AARS2: variants seen among roughly 807,000 people sequenced by gnomAD.
The protein encoded by AARS2 is alanine--tRNA ligase, mitochondrial.
Under a neutral mutation model 119.7 loss-of-function variants are expected in AARS2, and 78 were observed. That is an observed-to-expected ratio of 0.65 (90% CI 0.54 to 0.79). AARS2 has a LOEUF of 0.79. Among genes scored for constraint, AARS2 ranks in the 30% least tolerant of loss-of-function variants. The pLI, the probability that AARS2 is intolerant of heterozygous loss-of-function variation, is 0.00. For synonymous variants in AARS2, 502 were observed against 526.3 expected, an observed-to-expected ratio of 0.95 and a Z score of 0.63; for missense variants, 1,157 against 1,291.3, an observed-to-expected ratio of 0.90 and a Z score of 1.59.
chr6:44,303,543 G>C, intron 14 of AARS2, 120 bp from the exon 15 acceptor site: 1 of 1,459,644 alleles, frequency 6.9e-7, no homozygotes, highest in Middle Eastern at 1.9e-4. Flanking sequence ...ATAGTGGCTA[G>C]CACATAATAG....
Position 44,311,107 on chromosome 6 carries a change from C to T in AARS2, c.636G>A (p.Met212Ile), listed in dbSNP as rs1159487395. 2 of 1,614,104 alleles carry T rather than the reference C, an allele frequency of 1.2e-6. No individual in the cohort carries two copies. Among genetic ancestry groups the T allele is most frequent in the East Asian group, 2.2e-5 (1 of 44,864 alleles). ...AGGGCCCACAAGGGCCAGTATCCCC[C>T]ATCTCCCAGAAGTTCTCTTGTGGTC... ...SFGPQENFWE[M>I]GDTGPCGPCT... Residue 212 changes from methionine to isoleucine, a missense_variant, in exon 4 of 22, where the codon ATG becomes ATA. Transcript: ENST00000244571.
intron 4 of AARS2, 121 bp from the exon 5 acceptor site, chr6:44,310,564 C>T (rs1025190462): frequency 7.7e-7 from 1 of 1,301,986 alleles, no homozygotes; most frequent in Non-Finnish European, 1.1e-6. Flanking sequence ...AGGAACCAGA[C>T]AATCAGTATC....
rs1785862888 is a variant in AARS2 at position 44,306,516 on chromosome 6, T to A, written c.1166A>T (p.Glu389Val). 3.7e-6 allele frequency: 6 copies of A among 1,614,078 alleles called. No homozygotes were observed. The East Asian group carries it at 1.3e-4, about 36-fold the overall frequency. Reference sequence around the variant, plus strand: ...TACCTGGGCTGAGTTCCTTTGCAGTTCTGGATAAGCATCTCCCTGGGGGAG... The same window carrying A: ...TACCTGGGCTGAGTTCCTTTGCAGTACTGGATAAGCATCTCCCTGGGGGAG... ...VVETLGDAYPELQRNSAQIAN... is the reference protein window; with the variant it reads ...VVETLGDAYPVLQRNSAQIAN... The change falls in exon 8 of 22, where the codon GAA (glutamate) becomes GTA (valine). Residue 389 changes from glutamate to valine, a missense_variant. By Grantham distance (121) the Glu-to-Val change is moderately radical. Transcript: ENST00000244571.
At chr6:44,310,544 T>C in intron 4 of AARS2, 101 bp from the exon 5 acceptor site, 1 of 1,488,430 alleles carries the variant, frequency 6.7e-7, no homozygotes, top group Non-Finnish European at 9.2e-7. Flanking sequence ...CCAAGGGAGC[T>C]GACAGTGGGA....
At chr6:44,311,575 G>C in intron 2 of AARS2, 40 bp from the exon 3 acceptor site, 1 of 1,610,274 alleles carries the variant, frequency 6.2e-7, no homozygotes, top group Middle Eastern at 1.9e-4. Flanking sequence ...GGGAAGACGG[G>C]TGAGAGGGAG....
chr6:44,299,188 T>C lies in AARS2; in HGVS notation c.*1359A>G, dbSNP rs534416. On this transcript the variant is annotated 3_prime_UTR_variant, in exon 22 of 22. Transcript: ENST00000244571. ...CATGTCACCTCTTGGTGAGGGAATA[T>C]CACCATCCACACTCCTGATCCCCAT... Among the ~76,000 whole-genome samples the C allele has an allele frequency of 0.89, 134,577 of 151,906 alleles. 60,931 individuals carry two copies. Among genetic ancestry groups the C allele is most frequent in the East Asian group, 1 (5,089 of 5,098 alleles).
Position 44,311,375 on chromosome 6 carries a change from AG to A in AARS2, c.581+14del, listed in dbSNP as rs1383959044. 3 of 1,614,018 alleles carry A rather than the reference AG, an allele frequency of 1.9e-6. No homozygotes were observed. On this transcript the variant is annotated intron_variant, in intron 3 of 21. Coordinates refer to ENST00000244571, the MANE Select transcript of AARS2 (RefSeq NM_020745.4). ...CTGACCTCCAGGAATGAACATAAGAAGGGGGCTGACTTACCCTAAGCTCAGC... is the reference window on the plus strand; with the variant it reads ...CTGACCTCCAGGAATGAACATAAGAAGGGGCTGACTTACCCTAAGCTCAGC...
In AARS2 at chr6:44,313,083, G is replaced by A; in HGVS notation, c.241C>T (p.Gln81Ter). 1 of 1,613,358 alleles carries A rather than the reference G, an allele frequency of 6.2e-7. No homozygotes were observed. The highest frequency in any genetic ancestry group is 1.1e-5 in the South Asian group (1 of 91,032). Residue 81 changes from glutamine (Q) to a stop codon, truncating the protein, a stop_gained and splice_region_variant, in exon 1 of 22, where the codon CAG becomes TAG. Coordinates refer to ENST00000244571, the MANE Select transcript of AARS2 (RefSeq NM_020745.4). LOFTEE classifies it high-confidence loss of function. ...SLLFVNAGMN[Q>*]FKPIFLGTVD... ...TATCAGTATGGTTCGGCCCTCACCT[G>A]GTTCATGCCCGCATTGACAAAAAGC...
At chr6:44,311,689 CTCT>C (rs1037930550) in intron 2 of AARS2, among the ~76,000 whole-genome samples, 154 bp from the exon 3 acceptor site, 3 of 152,210 alleles carry the variant, frequency 2.0e-5, no homozygotes, top group African/African-American at 7.2e-5. Context: ...CCATTACTGC[CTCT>C]GAGTGTTTTC....
At chr6:44,308,655 A>G (rs575624972) in intron 5 of AARS2, among the ~76,000 whole-genome samples, 8 of 152,190 alleles carry the variant, frequency 5.3e-5, no homozygotes, top group African/African-American at 1.7e-4. Context: ...GTTAGAGTGC[A>G]GTAGCACGAT....
Position 44,313,183 on chromosome 6 carries a change from C to A in AARS2, c.141G>T (p.Leu47=). The change falls in exon 1 of 22, where the codon CTG becomes CTT. Residue 47 remains leucine (L), a synonymous_variant. Transcript: ENST00000244571. ...AKASAVRAAF[L]NFFRDRHGHR... is the part of the protein sequence containing the mutation. ...GGCCATGGCGGTCCCGAAAGAAGTT[C>A]AGAAAGGCGGCCCTCACGGCCGAGG... is the stretch of plus-strand genomic sequence containing the variant. The A allele has an allele frequency of 6.2e-7, 1 of 1,612,490 alleles. No homozygotes were observed. Among genetic ancestry groups the A allele is most frequent in the Non-Finnish European group, 8.5e-7 (1 of 1,179,618 alleles).
chr6:44,306,684 T>C, intron 7 of AARS2, 152 bp from the exon 8 acceptor site: 1 of 1,058,666 alleles, frequency 9.4e-7, no homozygotes, highest in Non-Finnish European at 1.5e-6. Context: ...GGTTTCCCTG[T>C]AGGGTGGCAG....
chr6:44,310,216 G>A (rs1359601462), intron 5 of AARS2, 83 bp downstream of exon 5: 1 of 1,509,652 alleles, frequency 6.6e-7, no homozygotes, highest in East Asian at 2.5e-5. Flanking sequence ...AACACTCTGA[G>A]TTCTCAACAA....
chr6:44,303,485 T>TGC, intron 14 of AARS2, 62 bp from the exon 15 acceptor site: 1 of 1,611,952 alleles, frequency 6.2e-7, no homozygotes, highest in Non-Finnish European at 8.5e-7. Context: ...CTCTAACTGA[T>TGC]GCATTGAAAC....
At chr6:44,309,174 T>C (rs1242073400) in intron 5 of AARS2, among the ~76,000 whole-genome samples, 1 of 152,194 alleles carries the variant, frequency 6.6e-6, no homozygotes, top group Non-Finnish European at 1.5e-5. Flanking sequence ...GTCTGCTCTC[T>C]GTCTTGGAAC....
At chr6:44,308,157 GA>G (rs1442006502) in intron 5 of AARS2, among the ~76,000 whole-genome samples, 2 of 152,132 alleles carry the variant, frequency 1.3e-5, no homozygotes, top group Non-Finnish European at 1.5e-5. Flanking sequence ...TGCCTGGACC[GA>G]TAATAGCCTC....
Position 44,299,454 on chromosome 6 carries a change from C to T in AARS2, c.*1093G>A, listed in dbSNP as rs562294322. 1.3e-5 allele frequency among the ~76,000 whole-genome samples: 2 copies of T among 149,964 alleles called. No individual in the cohort carries two copies. The highest frequency in any genetic ancestry group is 4.2e-4 in the South Asian group (2 of 4,768). On this transcript the variant is annotated 3_prime_UTR_variant, in exon 22 of 22. Transcript: ENST00000244571. ...GATTACTTTTTTTTTTTTTTGTAGACAGGGTCTTGCTGTTTGCGCAGGCTG... is the reference window on the plus strand; with the variant it reads ...GATTACTTTTTTTTTTTTTTGTAGATAGGGTCTTGCTGTTTGCGCAGGCTG...
Position 44,306,581 on chromosome 6 carries a change from C to A in AARS2, c.1150-49G>T, listed in dbSNP as rs570078405. On this transcript the variant is annotated intron_variant, in intron 7 of 21. Transcript: ENST00000244571. The stretch of plus-strand genomic sequence containing the variant: ...GGAGGTGTGAAAGGCAACCAACCCA[C>A]CCCCACCTCCCCACCCTGGGCCTCC... 2.0e-5 allele frequency: 32 copies of A among 1,607,140 alleles called. No homozygotes were observed. The African/African-American group carries it at 3.3e-4, about 17-fold the overall frequency.
chr6:44,303,405 G>T lies in AARS2; in HGVS notation c.2026C>A (p.Gln676Lys). Residue 676 changes from glutamine (Q) to lysine (K), a missense_variant, in exon 15 of 22, where the codon CAG becomes AAG. Physicochemically the swap from Gln to Lys is moderately conservative, Grantham distance 53. Transcript: ENST00000244571. The stretch of plus-strand genomic sequence containing the variant: ...ACAGTGTTCTCCACTGCCCGGAGCT[G>T]CTCTGGGGTCAATGGGGTCTGGAGG... ...VTTQTPLTPE[Q>K]LRAVENTVQE... The T allele has an allele frequency of 1.2e-6, 2 of 1,614,066 alleles. No homozygotes were observed. Among genetic ancestry groups the T allele is most frequent in the African/African-American group, 2.7e-5 (2 of 75,048 alleles).
Sources: allele counts gnomAD v4.1 joint callset (sites outside exome capture counted in the v4.1 genomes callset), GRCh38; gene constraint gnomAD v4.1.1; transcripts MANE v1.5; gene names NCBI Gene and HGNC (gene_info 2026-07-23, HGNC 2026-07-21).